Variants in GRB10 observed in about 807,000 individuals in gnomAD.
The protein encoded by GRB10 is growth factor receptor-bound protein 10.
Under a neutral mutation model 80.9 loss-of-function variants are expected in GRB10, and 20 were observed. That is an observed-to-expected ratio of 0.25 (90% CI 0.17 to 0.36). GRB10 has a LOEUF of 0.36. Among genes scored for constraint, GRB10 ranks in the 10% least tolerant of loss-of-function variants. GRB10 has a pLI of 1.00. For synonymous variants in GRB10, 291 were observed against 291.5 expected, an observed-to-expected ratio of 1.00 and a Z score of 0.02; for missense variants, 548 against 747.7, an observed-to-expected ratio of 0.73 and a Z score of 3.12.
At chr7:50,621,972 G>C (rs938821824) in intron 8 of GRB10, among the ~76,000 whole-genome samples, 1 of 152,204 alleles carries the variant, frequency 6.6e-6, no homozygotes, top group African/African-American at 2.4e-5. Context: ...GCTGCCAGTT[G>C]GCAGTGGAGG....
intron 3 of GRB10, among the ~76,000 whole-genome samples, chr7:50,737,434 C>T (rs1204734980): frequency 1.3e-5 from 2 of 152,238 alleles, no homozygotes; most frequent in African/African-American, 2.4e-5. Flanking sequence ...AGTCTAAGTT[C>T]CCTGAGGCCT....
intron 2 of GRB10, among the ~76,000 whole-genome samples, chr7:50,759,784 T>C (rs1207847246): frequency 4.6e-5 from 7 of 152,028 alleles, no homozygotes; most frequent in African/African-American, 1.7e-4. Context: ...AGGGACCCAG[T>C]CATCTGCCCA....
At chr7:50,752,440 A>T (rs1008535025) in intron 3 of GRB10, among the ~76,000 whole-genome samples, 3 of 152,208 alleles carry the variant, frequency 2.0e-5, no homozygotes. Flanking sequence ...CCTTGGAAAG[A>T]GAAAGGTGAA....
rs1170949970 is a variant in GRB10 at position 50,649,743 on chromosome 7, A to G, written c.504+19979T>C. The stretch of plus-strand genomic sequence containing the variant: ...GGACAGGAAGCACTGGATATGGGAC[A>G]CATTGGAGAGGGAGAGTTGACTGGA... On this transcript the variant is annotated intron_variant, in intron 7 of 18. Transcript: ENST00000401949. Among the ~76,000 whole-genome samples, 3 of 152,264 alleles carry G rather than the reference A, an allele frequency of 2.0e-5. 1 individual carries two copies. In the East Asian group the frequency reaches 5.8e-4, roughly 29 times the overall value.
At chr7:50,710,937 T>C in intron 4 of GRB10, 1 of 1,607,088 alleles carries the variant, frequency 6.2e-7, no homozygotes, top group Non-Finnish European at 8.5e-7. Context: ...CTCTCTACAG[T>C]GGGTATCACG....
intron 3 of GRB10, among the ~76,000 whole-genome samples, chr7:50,742,921 T>C (rs1157153093): frequency 6.6e-6 from 1 of 152,156 alleles, no homozygotes; most frequent in Admixed American, 6.5e-5. Flanking sequence ...AAACTGCTGC[T>C]ACTACACTGC....
chr7:50,770,002 C>G (rs935717259), intron 2 of GRB10, among the ~76,000 whole-genome samples: 4 of 152,196 alleles, frequency 2.6e-5, no homozygotes, highest in African/African-American at 9.6e-5. Flanking sequence ...ACACATCACA[C>G]TGGCTCAACA....
At chr7:50,648,299 G>A (rs2057519559) in intron 7 of GRB10, among the ~76,000 whole-genome samples, 2 of 152,100 alleles carry the variant, frequency 1.3e-5, no homozygotes, top group Non-Finnish European at 2.9e-5. Flanking sequence ...GGCCCGGCAA[G>A]CGGAAGACAG....
chr7:50,690,717 A>G (rs915690907), intron 5 of GRB10, among the ~76,000 whole-genome samples: 7 of 152,248 alleles, frequency 4.6e-5, no homozygotes, highest in Non-Finnish European at 1.0e-4. Flanking sequence ...ACTGCGGAGC[A>G]ACGGGATGAA....
chr7:50,789,016 T>C (rs533705815), intron 1 of GRB10, among the ~76,000 whole-genome samples: 5 of 152,316 alleles, frequency 3.3e-5, no homozygotes, highest in African/African-American at 1.2e-4. Flanking sequence ...TATTCACTAT[T>C]ATCTGGTTCA....
At chr7:50,712,566 C>G (rs1166221461) in intron 4 of GRB10, among the ~76,000 whole-genome samples, 1 of 152,164 alleles carries the variant, frequency 6.6e-6, no homozygotes, top group Non-Finnish European at 1.5e-5. Flanking sequence ...GGGAAAATAC[C>G]ACCACATAAA....
At chr7:50,648,166 A>G (rs994852512) in intron 7 of GRB10, among the ~76,000 whole-genome samples, 5 of 152,114 alleles carry the variant, frequency 3.3e-5, no homozygotes, top group Non-Finnish European at 7.4e-5. Context: ...CGGAGCACCA[A>G]GGCCCAGTGA....
intron 9 of GRB10, among the ~76,000 whole-genome samples, chr7:50,618,423 C>A (rs1025599918): frequency 1.2e-4 from 18 of 152,192 alleles, no homozygotes; most frequent in African/African-American, 4.3e-4. Flanking sequence ...GCGATGCCAG[C>A]GTCCCAGCCC....
chr7:50,757,775 G>A (rs898845768), intron 2 of GRB10, among the ~76,000 whole-genome samples: 5 of 152,166 alleles, frequency 3.3e-5, no homozygotes, highest in African/African-American at 4.8e-5. Context: ...AACAGCATAC[G>A]AATCACTGCT....
At chr7:50,698,983 T>C (rs1209130127) in intron 5 of GRB10, among the ~76,000 whole-genome samples, 1 of 152,248 alleles carries the variant, frequency 6.6e-6, no homozygotes, top group East Asian at 1.9e-4. Context: ...AAACATCCTA[T>C]AATGCCTGGT....
intron 4 of GRB10, among the ~76,000 whole-genome samples, chr7:50,724,280 C>T (rs1023092521): frequency 2.0e-5 from 3 of 152,220 alleles, no homozygotes; most frequent in African/African-American, 7.2e-5. Context: ...GCAGTTTTTG[C>T]TGTCCCTGTC....
chr7:50,671,262 CT>C (rs1563374852), intron 6 of GRB10, among the ~76,000 whole-genome samples: 1 of 152,150 alleles, frequency 6.6e-6, no homozygotes, highest in African/African-American at 2.4e-5. Context: ...TTAAACATAC[CT>C]CAGAAACCCC....
chr7:50,715,502 G>C (rs1277291125), intron 4 of GRB10, among the ~76,000 whole-genome samples: 1 of 152,120 alleles, frequency 6.6e-6, no homozygotes, highest in Non-Finnish European at 1.5e-5. Flanking sequence ...ATAAGAAACA[G>C]TTCACCTCGC....
At chr7:50,693,815 A>G (rs1412158467) in intron 5 of GRB10, among the ~76,000 whole-genome samples, 3 of 152,104 alleles carry the variant, frequency 2.0e-5, no homozygotes, top group Non-Finnish European at 4.4e-5. Flanking sequence ...AGGCTGGAAG[A>G]GCAGTCTCCA....
Sources: allele counts gnomAD v4.1 joint callset (sites outside exome capture counted in the v4.1 genomes callset), GRCh38; gene constraint gnomAD v4.1.1; transcripts MANE v1.5; gene names NCBI Gene and HGNC (gene_info 2026-07-23, HGNC 2026-07-21).